Variants in ABL1 observed in about 807,000 individuals in gnomAD.
The protein encoded by ABL1 is ABL proto-oncogene 1, non-receptor tyrosine kinase, also known as tyrosine-protein kinase ABL1.
Under a neutral mutation model 94.7 loss-of-function variants are expected in ABL1, and 11 were observed. That is an observed-to-expected ratio of 0.12 (90% CI 0.07 to 0.19). ABL1 has a LOEUF of 0.19. ABL1 is among the 10% of genes least tolerant of loss of function. The pLI is 1.00. For synonymous variants in ABL1, 656 were observed against 622.4 expected, an observed-to-expected ratio of 1.05 and a Z score of -0.80; for missense variants, 1,082 against 1,489.4, an observed-to-expected ratio of 0.73 and a Z score of 4.50.
rs910288049 is a variant in ABL1, at chr9:130,887,204, G to C, written c.*1521G>C. On this transcript the variant is annotated 3_prime_UTR_variant, in exon 11 of 11. Transcript: ENST00000318560. Reference sequence around the variant, plus strand: ...GCCTCGTGCCAGCAGCCTCGCACAGGCCCTAGCTTTACGCTCATCACCTAA... The same window carrying C: ...GCCTCGTGCCAGCAGCCTCGCACAGCCCCTAGCTTTACGCTCATCACCTAA... 4.3e-6 allele frequency: 1 copy of C among 233,052 alleles called. No individual in the cohort carries two copies. The highest frequency in any genetic ancestry group is 2.2e-5 in the African/African-American group (1 of 45,326). The allele number at this position is 233,052 out of a possible 1,614,324, so 14.4% of individuals were successfully genotyped here.
chr9:130,730,835 G>A (rs1831655426), intron 1 of ABL1, among the ~76,000 whole-genome samples: 1 of 152,106 alleles, frequency 6.6e-6, no homozygotes, highest in African/African-American at 2.4e-5. Flanking sequence ...GCCTTCCAAA[G>A]TGCTGGGATT....
chr9:130,788,900 A>T (rs543259707), intron 1 of ABL1, among the ~76,000 whole-genome samples: 1 of 152,280 alleles, frequency 6.6e-6, no homozygotes, highest in Admixed American at 6.5e-5. Flanking sequence ...TAATGATATT[A>T]ATTTTGATTA....
rs35601106 is a variant in ABL1 at position 130,886,982 on chromosome 9, C to G, written c.*1299C>G. ...ACAAACGGAGCCCCTGAAAGCCTCACGTATTTCACAGAGCACGCCTGCCAT... is the reference window on the plus strand; with the variant it reads ...ACAAACGGAGCCCCTGAAAGCCTCAGGTATTTCACAGAGCACGCCTGCCAT... On this transcript the variant is annotated 3_prime_UTR_variant, in exon 11 of 11. Transcript: ENST00000318560. 1.3e-5 allele frequency: 3 copies of G among 232,714 alleles called. No individual in the cohort carries two copies. Among genetic ancestry groups the G allele is most frequent in the Non-Finnish European group, 2.5e-5 (3 of 117,746 alleles). The allele number at this position is 232,714 out of a possible 1,614,324, so 14.4% of individuals were successfully genotyped here.
intron 1 of ABL1, among the ~76,000 whole-genome samples, chr9:130,812,679 A>G (rs1426101337): frequency 6.6e-6 from 1 of 152,206 alleles, no homozygotes; most frequent in African/African-American, 2.4e-5. Flanking sequence ...TTCAAAATAC[A>G]AACTTTTCAA....
intron 1 of ABL1, among the ~76,000 whole-genome samples, chr9:130,755,014 A>G (rs1341368631): frequency 1.3e-5 from 2 of 152,158 alleles, no homozygotes; most frequent in African/African-American, 2.4e-5. Flanking sequence ...TTTTGGAGAT[A>G]TTTGGTGGAC....
Position 130,767,577 on chromosome 9 carries a change from C to T in ABL1, c.136+53122C>T, listed in dbSNP as rs1378601397. On this transcript the variant is annotated intron_variant, in intron 1 of 10. Coordinates refer to the ABL1 transcript ENST00000372348. ...CGAACTCCTGACCTCAGGTGATCCACCCGCCTGGGCCCTCCAAAGTGCTGG... is the reference window on the plus strand; with the variant it reads ...CGAACTCCTGACCTCAGGTGATCCATCCGCCTGGGCCCTCCAAAGTGCTGG... 2.0e-5 allele frequency among the ~76,000 whole-genome samples: 3 copies of T among 152,218 alleles called. 1 individual carries two copies. Among genetic ancestry groups the T allele is most frequent in the African/African-American group, 7.2e-5 (3 of 41,444 alleles).
upstream of ABL1, chr9:130,833,973 T>G (rs942117246): frequency 2.2e-6 from 1 of 453,160 alleles, no homozygotes; most frequent in African/African-American, 2.0e-5. Flanking sequence ...CACTTGGAAT[T>G]TATTCTTGAT....
chr9:130,808,233 TTCTTCTTCTTCTTC>T (rs1165854943), intron 1 of ABL1, among the ~76,000 whole-genome samples: 58 of 141,832 alleles, frequency 4.1e-4, no homozygotes, highest in African/African-American at 1.3e-3. Context: ...CTTCTTCTTC[TTCTTCTTCTTCTTC>T]TTTTTTTTTT....
chr9:130,879,594 G>A (rs538549819), intron 8 of ABL1, among the ~76,000 whole-genome samples: 1 of 152,354 alleles, frequency 6.6e-6, no homozygotes, highest in East Asian at 1.9e-4. Context: ...AAAAAAGGTT[G>A]TGCCATTGTA....
chr9:130,761,836 C>T (rs1480940514), intron 1 of ABL1, among the ~76,000 whole-genome samples: 2 of 152,044 alleles, frequency 1.3e-5, no homozygotes, highest in African/African-American at 2.4e-5. Flanking sequence ...TAAATAAATG[C>T]TCATTATTTA....
chr9:130,840,703 A>G (rs1830657355), intron 1 of ABL1, among the ~76,000 whole-genome samples: 1 of 152,164 alleles, frequency 6.6e-6, no homozygotes, highest in African/African-American at 2.4e-5. Flanking sequence ...TAAAAAAAAT[A>G]GAGATGGGTC....
At chr9:130,741,669 A>G (rs1384953113) in intron 1 of ABL1, among the ~76,000 whole-genome samples, 2 of 152,118 alleles carry the variant, frequency 1.3e-5, no homozygotes, top group Non-Finnish European at 2.9e-5. Context: ...CTGGAGTAAC[A>G]GTTACCACAC....
At chr9:130,842,035 G>GA (rs562730148) in intron 1 of ABL1, among the ~76,000 whole-genome samples, 24 of 114,568 alleles carry the variant, frequency 2.1e-4, no homozygotes, top group South Asian at 5.8e-4. Context: ...ACAGGAAAGG[G>GA]AAAAAAAAAC....
At chr9:130,882,239 G>A (rs142220892) in intron 10 of ABL1, among the ~76,000 whole-genome samples, 1 of 152,128 alleles carries the variant, frequency 6.6e-6, no homozygotes, top group Non-Finnish European at 1.5e-5. Flanking sequence ...CATCTGAGGG[G>A]TATTTTGATA....
intron 1 of ABL1, among the ~76,000 whole-genome samples, chr9:130,764,431 C>T (rs190134599): frequency 2.6e-5 from 4 of 152,248 alleles, no homozygotes; most frequent in African/African-American, 7.2e-5. Context: ...TCAAAGTTCC[C>T]GCTTCCATTG....
intron 1 of ABL1, among the ~76,000 whole-genome samples, chr9:130,718,971 T>C (rs1831481576): frequency 1.3e-5 from 2 of 152,170 alleles, no homozygotes; most frequent in Non-Finnish European, 2.9e-5. Context: ...CTGAATGATG[T>C]CTGTGTTGTG....
intron 1 of ABL1, among the ~76,000 whole-genome samples, chr9:130,800,977 C>CTGGA (rs1830047139): frequency 6.7e-6 from 1 of 149,120 alleles, no homozygotes; most frequent in Admixed American, 6.7e-5. Flanking sequence ...GTCGCCCAGG[C>CTGGA]TGGAGTGCAG....
At position 130,872,762 on chromosome 9, in the gene ABL1, G is replaced by A; in HGVS notation, c.908-98G>A. 2.3e-6 allele frequency: 3 copies of A among 1,295,228 alleles called. No individual in the cohort carries two copies. The highest frequency in any genetic ancestry group is 2.2e-4 in the Middle Eastern group (1 of 4,582). The allele number at this position is 1,295,228 out of a possible 1,614,324, so 80.2% of individuals were successfully genotyped here. A position where few individuals can be genotyped will look rare whatever the true frequency, so the allele number is the denominator to read the frequency against. Reference sequence around the variant, plus strand: ...TGGAAGTTGGGCCCAGGACTGAGGAGCAGAGTCAGAATCCTTCAGAAGGCT... The same window carrying A: ...TGGAAGTTGGGCCCAGGACTGAGGAACAGAGTCAGAATCCTTCAGAAGGCT... On this transcript the variant is annotated intron_variant, in intron 5 of 10. Transcript: ENST00000318560. The surrounding 1 kb of genome is among the most constrained non-coding windows in gnomAD (Gnocchi z 5.0).
intron 1 of ABL1, among the ~76,000 whole-genome samples, chr9:130,790,925 C>T (rs1829900615): frequency 6.6e-6 from 1 of 152,180 alleles, no homozygotes; most frequent in African/African-American, 2.4e-5. Flanking sequence ...GGCCTTCAGG[C>T]CCCTTGCCCT....
Sources: gnomAD v4.1 joint callset for allele counts (sites outside exome capture counted in the v4.1 genomes callset) on GRCh38, gnomAD v4.1.1 for gene constraint, Gnocchi (gnomAD v3.1) non-coding constraint, MANE v1.5 for transcripts, NCBI Gene and HGNC (gene_info 2026-07-23, HGNC 2026-07-21) for gene names.